ZC3HAV1L: variants seen among roughly 807,000 people sequenced by gnomAD.
The protein encoded by ZC3HAV1L is ZC3HAV1 like.
In ZC3HAV1L, 23 loss-of-function variants were observed where a neutral mutation model predicts 28.2. The observed-to-expected ratio is 0.82, with a 90% CI of 0.59 to 1.16. The LOEUF (loss-of-function observed/expected upper bound fraction) is 1.16, where lower values mean the gene tolerates loss of function less well. Ranked by LOEUF, ZC3HAV1L falls within the 50% of genes most tolerant of loss-of-function variation. The probability of loss-of-function intolerance (pLI) is 0.00; values close to 1 mark genes in which losing one functional copy is unlikely to be tolerated. For synonymous variants in ZC3HAV1L, 180 were observed against 163.4 expected (o/e 1.10, Z -0.78); for missense variants, 376 against 387.7 (o/e 0.97, Z 0.25).
At chr7:139,031,494 G>A (rs754535743) in intron 2 of ZC3HAV1L, among the ~76,000 whole-genome samples, 7 of 152,142 alleles carry the variant, frequency 4.6e-5, no homozygotes, top group Non-Finnish European at 7.4e-5. Context: ...GCTGAGGCAC[G>A]AGAATTGCTT....
downstream of ZC3HAV1L, among the ~76,000 whole-genome samples, chr7:139,023,743 C>T (rs1164476045): frequency 6.6e-6 from 1 of 152,178 alleles, no homozygotes; most frequent in Non-Finnish European, 1.5e-5. Context: ...GGGAACAGGG[C>T]ACCTTTTACC....
intron 2 of ZC3HAV1L, among the ~76,000 whole-genome samples, chr7:139,033,521 C>T (rs148269249): frequency 1.5e-3 from 236 of 152,306 alleles, no homozygotes; most frequent in Middle Eastern, 3.4e-3. Context: ...CACATGATCA[C>T]GTTTTGTGCC....
chr7:139,026,117 A>G lies in ZC3HAV1L; in HGVS notation c.*427T>C, dbSNP rs984113653. ...GTCACTGCACTCCAGCCTGGGCAACAGAGCAAGACCATCTCAAAAAAAAAA... is the reference window on the plus strand; with the variant it reads ...GTCACTGCACTCCAGCCTGGGCAACGGAGCAAGACCATCTCAAAAAAAAAA... On this transcript the variant is annotated 3_prime_UTR_variant, in exon 5 of 5. Coordinates refer to ENST00000275766, the MANE Select transcript of ZC3HAV1L (RefSeq NM_080660.4). 6 of 165,224 alleles carry G rather than the reference A, an allele frequency of 3.6e-5. No individual in the cohort carries two copies. Among genetic ancestry groups the G allele is most frequent in the African/African-American group, 1.4e-4 (6 of 41,580 alleles). The allele number at this position is 165,224 out of a possible 1,614,324, so 10.2% of individuals were successfully genotyped here. A position where few individuals can be genotyped will look rare whatever the true frequency, so the allele number is the denominator to read the frequency against.
At position 139,035,274 on chromosome 7, in the gene ZC3HAV1L, C is replaced by A. The variant is rs886149676; in HGVS notation, c.365+379G>T. 12 of 985,300 alleles carry A rather than the reference C, an allele frequency of 1.2e-5. No individual in the cohort carries two copies. In the African/African-American group the frequency reaches 2.1e-4, roughly 17 times the overall value. 61.0% of individuals were successfully genotyped at this position (985,300 alleles called of 1,614,324 possible). A position where few individuals can be genotyped will look rare whatever the true frequency, so the allele number is the denominator to read the frequency against. On this transcript the variant is annotated intron_variant, in intron 1 of 4. Transcript: ENST00000275766. ...GAGCAGCGATTTCCGGCTAAAGGGT[C>A]CAGGGATCTCATGGGATCCTCAGAC...
intron 2 of ZC3HAV1L, among the ~76,000 whole-genome samples, chr7:139,032,648 A>G (rs1328391007): frequency 6.7e-6 from 1 of 148,802 alleles, no homozygotes; most frequent in Admixed American, 6.6e-5. Context: ...AATAAAATAA[A>G]ATAAAAATAA....
intron 2 of ZC3HAV1L, among the ~76,000 whole-genome samples, chr7:139,032,800 C>G (rs1472860401): frequency 6.6e-6 from 1 of 151,982 alleles, no homozygotes; most frequent in Non-Finnish European, 1.5e-5. Context: ...TCATTGCAAT[C>G]AATTCACAAT....
downstream of ZC3HAV1L, among the ~76,000 whole-genome samples, chr7:139,021,706 T>C (rs1237001008): frequency 1.3e-5 from 2 of 152,070 alleles, no homozygotes; most frequent in Admixed American, 6.6e-5. Context: ...ATTCCTTTTA[T>C]CAAGCTTTTA....
At position 139,028,937 on chromosome 7, in the gene ZC3HAV1L, C is replaced by G. The variant is rs1815440970; in HGVS notation, c.525G>C (p.Gly175=). Residue 175 remains glycine, a synonymous_variant, in exon 3 of 5, where the codon GGG becomes GGC. Transcript: ENST00000275766. ...GGTTGCAGTAGCCATACAGGGCTTC[C>G]CCTTTGTTGTAGAGCAAACAGACCT... is the stretch of plus-strand genomic sequence containing the variant. ...LPEVCLLYNK[G]EALYGYCNLK... The G allele has an allele frequency of 3.1e-6, 5 of 1,614,032 alleles. No homozygotes were observed. In the East Asian group the frequency reaches 1.1e-4, roughly 36 times the overall value.
downstream of ZC3HAV1L, among the ~76,000 whole-genome samples, chr7:139,023,464 C>T (rs1363651426): frequency 6.6e-6 from 1 of 152,170 alleles, no homozygotes; most frequent in African/African-American, 2.4e-5. Context: ...AGCACTTCTC[C>T]CTTCTCCCAC....
At chr7:139,027,761 TATG>T (rs1345323832) in intron 3 of ZC3HAV1L, among the ~76,000 whole-genome samples, 1 of 152,122 alleles carries the variant, frequency 6.6e-6, no homozygotes, top group African/African-American at 2.4e-5. Flanking sequence ...TATGGGAAAA[TATG>T]ATGTTGTATA....
intron 1 of ZC3HAV1L, chr7:139,035,399 G>A (rs1451318629): frequency 1.0e-6 from 1 of 984,738 alleles, no homozygotes; most frequent in Non-Finnish European, 1.2e-6. Context: ...GATCCGGGGG[G>A]GCGGGCGGGG....
Position 139,026,132 on chromosome 7 carries a change from C to CAAA in ZC3HAV1L, c.*409_*411dup. On this transcript the variant is annotated 3_prime_UTR_variant, in exon 5 of 5. Coordinates refer to ENST00000275766, the MANE Select transcript of ZC3HAV1L (RefSeq NM_080660.4). ...CCTGGGCAACAGAGCAAGACCATCT[C>CAAA]AAAAAAAAAAACTGTTAGAAAAAGC... 1.9e-5 allele frequency: 3 copies of CAAA among 154,912 alleles called. No individual in the cohort carries two copies. The highest frequency in any genetic ancestry group is 1.9e-4 in the East Asian group (1 of 5,250). 9.6% of individuals were successfully genotyped at this position (154,912 alleles called of 1,614,324 possible). A position where few individuals can be genotyped will look rare whatever the true frequency, so the allele number is the denominator to read the frequency against.
chr7:139,028,339 C>T (rs919042623), intron 3 of ZC3HAV1L, among the ~76,000 whole-genome samples: 17 of 144,504 alleles, frequency 1.2e-4, no homozygotes, highest in Non-Finnish European at 1.9e-4. Flanking sequence ...CGCCACTGCA[C>T]TCTAGCCTGG....
At chr7:139,025,689 G>A (rs1309278212), downstream of ZC3HAV1L, 1 of 152,098 alleles carries the variant, frequency 6.6e-6, no homozygotes, top group Non-Finnish European at 1.5e-5. Flanking sequence ...AGAACAATCA[G>A]AAAGCAGACA....
At position 139,035,739 on chromosome 7, in the gene ZC3HAV1L, G is replaced by A; in HGVS notation, c.279C>T (p.Arg93=). The change falls in exon 1 of 5, where the codon CGC becomes CGT. Residue 93 remains arginine, a synonymous_variant. Coordinates refer to ENST00000275766, the MANE Select transcript of ZC3HAV1L (RefSeq NM_080660.4). Reference sequence around the variant, plus strand: ...AGGCCTGGCACTCGCCGCGCTGGTAGCGGGCGCAGAGGCGCACAGAGGACA... The same window carrying A: ...AGGCCTGGCACTCGCCGCGCTGGTAACGGGCGCAGAGGCGCACAGAGGACA... ...VAVSSVRLCA[R]YQRGECQACD... is the part of the protein sequence containing the mutation. The A allele has an allele frequency of 6.7e-7, 1 of 1,489,584 alleles. No individual in the cohort carries two copies. Among genetic ancestry groups the A allele is most frequent in the Non-Finnish European group, 8.9e-7 (1 of 1,128,610 alleles). 92.3% of individuals were successfully genotyped at this position (1,489,584 alleles called of 1,614,324 possible).
rs185362577 is a variant in ZC3HAV1L, at chr7:139,032,075, G to A, written c.501+2468C>T. ...ACCCTGTCTCTGCACTCCAGCCTGGGTGACACAGCGAGACCATGTCTCTAA... is the reference window on the plus strand; with the variant it reads ...ACCCTGTCTCTGCACTCCAGCCTGGATGACACAGCGAGACCATGTCTCTAA... On this transcript the variant is annotated intron_variant, in intron 2 of 4. Transcript: ENST00000275766. Among the ~76,000 whole-genome samples, 132 of 152,204 alleles carry A rather than the reference G, an allele frequency of 8.7e-4. 1 individual carries two copies. The highest frequency in any genetic ancestry group is 7.9e-3 in the Admixed American group (120 of 15,284).
intron 2 of ZC3HAV1L, among the ~76,000 whole-genome samples, chr7:139,031,662 T>A (rs1273184647): frequency 6.6e-6 from 1 of 152,046 alleles, no homozygotes; most frequent in African/African-American, 2.4e-5. Context: ...CCCAGCACTT[T>A]GGGAGGCCAA....
Position 139,028,946 on chromosome 7 carries a change from G to C in ZC3HAV1L, c.516C>G (p.Tyr172Ter), listed in dbSNP as rs1271482685. Residue 172 changes from tyrosine to a stop codon, truncating the protein, a stop_gained, in exon 3 of 5, where the codon TAC (tyrosine) becomes TAG (stop). Coordinates refer to ENST00000275766, the MANE Select transcript of ZC3HAV1L (RefSeq NM_080660.4). LOFTEE classifies it high-confidence loss of function. ...PCLLPEVCLL[Y>*]NKGEALYGYC... ...AGCCATACAGGGCTTCCCCTTTGTT[G>C]TAGAGCAAACAGACCTGGTACAGAA... is the stretch of plus-strand genomic sequence containing the variant. 1 of 1,613,738 alleles carries C rather than the reference G, an allele frequency of 6.2e-7. No individual in the cohort carries two copies. The highest frequency in any genetic ancestry group is 1.3e-5 in the African/African-American group (1 of 75,020).
intron 2 of ZC3HAV1L, among the ~76,000 whole-genome samples, chr7:139,029,905 C>T (rs983572715): frequency 6.6e-6 from 1 of 152,168 alleles, no homozygotes; most frequent in African/African-American, 2.4e-5. Context: ...CTATCCCAGA[C>T]ACACCAAGAC....
Sources: allele counts gnomAD v4.1 joint callset (sites outside exome capture counted in the v4.1 genomes callset), GRCh38; gene constraint gnomAD v4.1.1; transcripts MANE v1.5; gene names NCBI Gene and HGNC (gene_info 2026-07-23, HGNC 2026-07-21).